Variants in CHD7 observed in about 807,000 individuals in gnomAD.
CHD7 encodes chromodomain helicase DNA binding protein 7.
CHD7 carries 24 observed loss-of-function variants against 307.3 expected under a neutral mutation model. The observed-to-expected ratio is 0.08, with a 90% CI of 0.06 to 0.11. The LOEUF is 0.11. Ranked by LOEUF, CHD7 falls within the 10% of genes least tolerant of loss-of-function variation. CHD7 has a pLI of 1.00. For synonymous variants in CHD7, 1,363 were observed against 1,349.9 expected, an observed-to-expected ratio of 1.01 and a Z score of -0.21; for missense variants, 3,106 against 3,727.1, an observed-to-expected ratio of 0.83 and a Z score of 4.34.
At chr8:60,754,926 C>T (rs1809817547) in intron 2 of CHD7, among the ~76,000 whole-genome samples, 1 of 152,194 alleles carries the variant, frequency 6.6e-6, no homozygotes, top group South Asian at 2.1e-4. Context: ...TAATTTTAAA[C>T]TTACAAGTAC....
Position 60,741,721 on chromosome 8 carries a change from G to A in CHD7, c.289G>A (p.Gly97Arg), listed in dbSNP as rs368160678. ...NRMMSNTPGN[G>R]LASPHSQYHT... ...AATGATGAGCAACACCCCTGGGAAC[G>A]GACTCGCGTCTCCGCACTCGCAGTA... Residue 97 changes from glycine to arginine, a missense_variant, in exon 2 of 38, where the codon GGA becomes AGA. Physicochemically the swap from Gly to Arg is moderately radical, Grantham distance 125. Coordinates refer to ENST00000423902, the MANE Select transcript of CHD7 (RefSeq NM_017780.4). 8 of 1,613,974 alleles carry A rather than the reference G, an allele frequency of 5.0e-6. No individual in the cohort carries two copies. Among genetic ancestry groups the A allele is most frequent in the Middle Eastern group, 1.6e-4 (1 of 6,062 alleles).
At chr8:60,717,184 G>T (rs779413389) in intron 1 of CHD7, among the ~76,000 whole-genome samples, 18 of 152,110 alleles carry the variant, frequency 1.2e-4, no homozygotes, top group Admixed American at 2.6e-4. Context: ...CATTTGAAAA[G>T]AAAATTATTA....
chr8:60,743,213 A>C, intron 2 of CHD7, 116 bp downstream of exon 2: 1 of 862,046 alleles, frequency 1.2e-6, no homozygotes, highest in Non-Finnish European at 1.9e-6. Flanking sequence ...GAGTGCCTTA[A>C]TTTTTATTTG....
At chr8:60,860,102 T>C (rs1805900179) in intron 34 of CHD7, among the ~76,000 whole-genome samples, 1 of 152,234 alleles carries the variant, frequency 6.6e-6, no homozygotes, top group Non-Finnish European at 1.5e-5. Context: ...CTTCAGTTAG[T>C]GGTGGTCTTT....
chr8:60,835,946 C>G (rs1300755629), intron 15 of CHD7, 127 bp from the exon 16 acceptor site: 12 of 680,754 alleles, frequency 1.8e-5, no homozygotes, highest in Non-Finnish European at 1.8e-5. Flanking sequence ...TGGATGGATT[C>G]TTGTTCATAA....
At chr8:60,820,888 TC>T in intron 9 of CHD7, among the ~76,000 whole-genome samples, 1 of 152,200 alleles carries the variant, frequency 6.6e-6, no homozygotes, top group Non-Finnish European at 1.5e-5. Context: ...AAAAATTGTT[TC>T]ATAGCATATT....
In CHD7 at chr8:60,865,868, C is replaced by A; in HGVS notation, c.8929C>A (p.Gln2977Lys). ...ESSLLEDEIAQGEELDSLDGG... is the reference protein window; with the variant it reads ...ESSLLEDEIAKGEELDSLDGG... ...CTCCCTCTTAGAAGACGAAATAGCACAGGGTGAAGAGCTAGACTCACTTGA... is the reference window on the plus strand; with the variant it reads ...CTCCCTCTTAGAAGACGAAATAGCAAAGGGTGAAGAGCTAGACTCACTTGA... Residue 2977 changes from glutamine (Q) to lysine (K), a missense_variant, in exon 38 of 38, where the codon CAG becomes AAG. By Grantham distance (53) the Gln-to-Lys change is moderately conservative (BLOSUM62 1). Transcript: ENST00000423902. This position sits in a 1 kb window ranked among gnomAD's most constrained non-coding sequence, Gnocchi z 4.3. 6.2e-7 allele frequency: 1 copy of A among 1,612,180 alleles called. No homozygotes were observed. The highest frequency in any genetic ancestry group is 8.5e-7 in the Non-Finnish European group (1 of 1,179,098).
chr8:60,748,019 G>T (rs1683593381), intron 2 of CHD7, among the ~76,000 whole-genome samples: 1 of 152,220 alleles, frequency 6.6e-6, no homozygotes, highest in South Asian at 2.1e-4. Context: ...ATAGTTGTTT[G>T]ACTTTACATC....
intron 1 of CHD7, among the ~76,000 whole-genome samples, chr8:60,737,746 A>T (rs1808781058): frequency 6.6e-6 from 1 of 152,194 alleles, no homozygotes; most frequent in Non-Finnish European, 1.5e-5. Context: ...ATATTCTCAC[A>T]TTTAGTTAGA....
chr8:60,821,562 A>C (rs911292682), intron 9 of CHD7, among the ~76,000 whole-genome samples: 6 of 151,512 alleles, frequency 4.0e-5, no homozygotes, highest in African/African-American at 1.5e-4. Flanking sequence ...ATAAGCATGT[A>C]TATACACCTA....
At chr8:60,751,364 C>CAGAACGGCA (rs1453211676) in intron 2 of CHD7, among the ~76,000 whole-genome samples, 1 of 152,100 alleles carries the variant, frequency 6.6e-6, no homozygotes, top group African/African-American at 2.4e-5. Context: ...AATAATCTTT[C>CAGAACGGCA]AGAACGGCAG....
intron 6 of CHD7, among the ~76,000 whole-genome samples, chr8:60,806,484 T>G (rs1812542504): frequency 6.6e-6 from 1 of 152,250 alleles, no homozygotes; most frequent in African/African-American, 2.4e-5. Flanking sequence ...CATGTTCCAT[T>G]TATGTTGCTG....
intron 3 of CHD7, among the ~76,000 whole-genome samples, chr8:60,790,038 A>G (rs775971388): frequency 2.0e-5 from 3 of 152,230 alleles, no homozygotes; most frequent in Non-Finnish European, 4.4e-5. Context: ...AGTGTAACCC[A>G]ATTCTCATCA....
chr8:60,687,142 T>G (rs1392666782), intron 1 of CHD7, among the ~76,000 whole-genome samples: 1 of 152,238 alleles, frequency 6.6e-6, no homozygotes, highest in Non-Finnish European at 1.5e-5. Flanking sequence ...ATGTGCATAT[T>G]ATTTCAACAC....
chr8:60,778,152 G>A (rs764582390), intron 2 of CHD7, among the ~76,000 whole-genome samples: 1 of 152,094 alleles, frequency 6.6e-6, no homozygotes, highest in Non-Finnish European at 1.5e-5. Context: ...GGTATTACTG[G>A]GAGCTCCAGG....
At chr8:60,857,262 T>G (rs1296041584) in intron 34 of CHD7, among the ~76,000 whole-genome samples, 1 of 152,206 alleles carries the variant, frequency 6.6e-6, no homozygotes, top group East Asian at 1.9e-4. Context: ...ATGTTTCATT[T>G]TGGACCTAAG....
At chr8:60,863,871 A>T (rs768343873) in intron 37 of CHD7, 3 of 143,434 alleles carry the variant, frequency 2.1e-5, no homozygotes, top group Non-Finnish European at 4.5e-5. Flanking sequence ...AGCAGCTGGC[A>T]CTACAGGCAC....
rs1806203830 is a variant in CHD7, at chr8:60,865,513, G to A, written c.8574G>A (p.Glu2858=). ...NENEDENKDS[E]KSTDAVSAAD... The stretch of plus-strand genomic sequence containing the variant: ...ATGAAGACGAGAACAAAGACTCTGA[G>A]AAAAGCACAGATGCTGTTTCGGCTG... Residue 2858 remains glutamate (E), a synonymous_variant, in exon 38 of 38, where the codon GAG becomes GAA. Coordinates refer to ENST00000423902, the MANE Select transcript of CHD7 (RefSeq NM_017780.4). The surrounding 1 kb of genome is among the most constrained non-coding windows in gnomAD (Gnocchi z 4.3). 2 of 1,614,072 alleles carry A rather than the reference G, an allele frequency of 1.2e-6. No individual in the cohort carries two copies. Among genetic ancestry groups the A allele is most frequent in the African/African-American group, 1.3e-5 (1 of 75,074 alleles).
At chr8:60,815,221 T>C (rs1586376610) in intron 7 of CHD7, among the ~76,000 whole-genome samples, 2 of 152,256 alleles carry the variant, frequency 1.3e-5, no homozygotes, top group East Asian at 3.8e-4. Context: ...TATGTGCTAC[T>C]TAATATCATA....
Sources: allele counts gnomAD v4.1 joint callset (sites outside exome capture counted in the v4.1 genomes callset), GRCh38; gene constraint gnomAD v4.1.1; non-coding constraint Gnocchi (gnomAD v3.1); transcripts MANE v1.5; gene names NCBI Gene and HGNC (gene_info 2026-07-23, HGNC 2026-07-21).